Variants in ZKSCAN7 observed in about 807,000 individuals in gnomAD.
ZKSCAN7 encodes the protein zinc finger protein with KRAB and SCAN domains 7.
In ZKSCAN7, 38 loss-of-function variants were observed where a neutral mutation model predicts 65.3. That is an observed-to-expected ratio of 0.58 (90% CI 0.45 to 0.76). The LOEUF (loss-of-function observed/expected upper bound fraction) is 0.76, where lower values mean the gene tolerates loss of function less well. Among genes scored for constraint, ZKSCAN7 ranks in the 30% least tolerant of loss-of-function variants. The probability of loss-of-function intolerance (pLI) is 0.00; values close to 1 mark genes in which losing one functional copy is unlikely to be tolerated. For synonymous variants in ZKSCAN7, 321 were observed against 321.0 expected, an observed-to-expected ratio of 1.00 and a Z score of 0.00; for missense variants, 815 against 913.3, an observed-to-expected ratio of 0.89 and a Z score of 1.39.
Position 44,568,399 on chromosome 3 carries a change from G to A in ZKSCAN7, c.777G>A (p.Met259Ile), listed in dbSNP as rs756337538. Reference protein sequence around the residue: ...TLSQRALQWNMMPENHHSMAS... With the variant: ...TLSQRALQWNIMPENHHSMAS... ...GTCAGAGAGCCCTGCAGTGGAACAT[G>A]ATGCCAGAAAATCACCATAGCATGG... The change falls in exon 5 of 6, where the codon ATG becomes ATA. Residue 259 changes from methionine (M) to isoleucine (I), a missense_variant. Transcript: ENST00000426540. 3 of 1,614,156 alleles carry A rather than the reference G, an allele frequency of 1.9e-6. No individual in the cohort carries two copies. The South Asian group carries it at 3.3e-5, about 18-fold the overall frequency.
chr3:44,574,774 A>C (rs1046481956), downstream of ZKSCAN7, among the ~76,000 whole-genome samples: 4 of 151,892 alleles, frequency 2.6e-5, no homozygotes, highest in African/African-American at 9.7e-5. Context: ...TATTAAAAAT[A>C]TAAAAATTGG....
rs368452398 is a variant in ZKSCAN7, at chr3:44,570,627, G to A, written c.1517G>A (p.Arg506Gln). The A allele has an allele frequency of 5.6e-5, 91 of 1,613,668 alleles. No homozygotes were observed. Among genetic ancestry groups the A allele is most frequent in the Non-Finnish European group, 7.0e-5 (83 of 1,179,930 alleles). Residue 506 changes from arginine to glutamine, a missense_variant, in exon 6 of 6, where the codon CGA (arginine) becomes CAA (glutamine). Physicochemically the swap from Arg to Gln is conservative, Grantham distance 43. Coordinates refer to ENST00000426540, the MANE Select transcript of ZKSCAN7 (RefSeq NM_001288590.2). ...ECNECGEAFI[R>Q]SKSLARHQVL... ...AATGAGTGTGGAGAGGCATTCATTC[G>A]AAGCAAAAGTCTTGCTCGACATCAG...
At chr3:44,560,852 G>A (rs1217539551) in intron 2 of ZKSCAN7, among the ~76,000 whole-genome samples, 1 of 152,168 alleles carries the variant, frequency 6.6e-6, no homozygotes, top group African/African-American at 2.4e-5. Context: ...TTACAAAACA[G>A]GCAGTGCAGT....
In ZKSCAN7 at chr3:44,556,947, C is replaced by T. The variant is rs1457116222; in HGVS notation, c.-101C>T. On this transcript the variant is annotated 5_prime_UTR_variant, in exon 2 of 6. Coordinates refer to ENST00000426540, the MANE Select transcript of ZKSCAN7 (RefSeq NM_001288590.2). ...TTCTGTAGGCCACACTACCATCACC[C>T]CTTTCTCCAACCCTGAAAAACAGTT... 6.0e-6 allele frequency: 9 copies of T among 1,491,904 alleles called. No homozygotes were observed. In the South Asian group the frequency reaches 8.2e-5, roughly 14 times the overall value. 92.4% of individuals were successfully genotyped at this position (1,491,904 alleles called of 1,614,324 possible).
chr3:44,582,359 C>T (rs1700106411), intron 5 of ZKSCAN7, among the ~76,000 whole-genome samples: 1 of 152,192 alleles, frequency 6.6e-6, no homozygotes, highest in Non-Finnish European at 1.5e-5. Context: ...CCTTTCTGGC[C>T]TGTGGGTATT....
chr3:44,570,156 C>A lies in ZKSCAN7; in HGVS notation c.1046C>A (p.Ser349Tyr). 1.2e-6 allele frequency: 2 copies of A among 1,614,078 alleles called. No homozygotes were observed. The highest frequency in any genetic ancestry group is 1.7e-6 in the Non-Finnish European group (2 of 1,180,014). ...ATAACAGATGAAGATAAGAAAAAAT[C>A]CACAAAAGACAGATATGACAAATAT... is the stretch of plus-strand genomic sequence containing the variant. ...LEITDEDKKK[S>Y]TKDRYDKYKE... The change falls in exon 6 of 6, where the codon TCC (serine) becomes TAC (tyrosine). Residue 349 changes from serine to tyrosine, a missense_variant. Ser to Tyr is a moderately radical substitution (Grantham distance 144, BLOSUM62 -2). Transcript: ENST00000426540.
rs1011716881 is a variant in ZKSCAN7 at position 44,571,923 on chromosome 3, T to C, written c.*548T>C. 3.3e-5 allele frequency: 33 copies of C among 986,542 alleles called. No homozygotes were observed. The highest frequency in any genetic ancestry group is 3.9e-5 in the Non-Finnish European group (32 of 830,728). 61.1% of individuals were successfully genotyped at this position (986,542 alleles called of 1,614,324 possible). On this transcript the variant is annotated 3_prime_UTR_variant, in exon 6 of 6. Coordinates refer to ENST00000426540, the MANE Select transcript of ZKSCAN7 (RefSeq NM_001288590.2). ...GAAATCCATCTCATCACTGAAATAC[T>C]TTCTTCTTCAAGTACTTTTTTATTT...
In ZKSCAN7 at chr3:44,569,790, CTTG is replaced by C. The variant is rs1244219319; in HGVS notation, c.812-129_812-127del. On this transcript the variant is annotated intron_variant, in intron 5 of 5. Transcript: ENST00000426540. ...AGCTATTAATATTTCCCATTTTGCT[CTTG>C]TTCTCAATGTGTCATCTCATTTCTT... 5.9e-6 allele frequency: 8 copies of C among 1,365,936 alleles called. No individual in the cohort carries two copies. The Admixed American group carries it at 2.4e-4, about 40-fold the overall frequency. 84.6% of individuals were successfully genotyped at this position (1,365,936 alleles called of 1,614,324 possible).
chr3:44,578,719 G>A (rs891914654), intron 5 of ZKSCAN7, among the ~76,000 whole-genome samples: 1 of 152,118 alleles, frequency 6.6e-6, no homozygotes, highest in Non-Finnish European at 1.5e-5. Flanking sequence ...TCATGGCTTC[G>A]ATGGCTGAGA....
chr3:44,578,401 C>T (rs7650486), intron 5 of ZKSCAN7: 189,435 of 1,612,800 alleles, frequency 0.12, 11,728 homozygotes, highest in Middle Eastern at 0.19. Context: ...CAGTCAGCAG[C>T]GTCCGCAACC....
Position 44,581,885 on chromosome 3 carries a change from T to C in ZKSCAN7, c.812-1087T>C, listed in dbSNP as rs558483252. Among the ~76,000 whole-genome samples, 53 of 152,366 alleles carry C rather than the reference T, an allele frequency of 3.5e-4. 2 individuals are homozygous for C. The South Asian group carries it at 0.01, about 29-fold the overall frequency. ...TGGATGTTAACAAGTTATTGAGTACTGTCCCATGTTGGGAGACAGTTCTGT... is the reference window on the plus strand; with the variant it reads ...TGGATGTTAACAAGTTATTGAGTACCGTCCCATGTTGGGAGACAGTTCTGT... On this transcript the variant is annotated intron_variant, in intron 5 of 5. Coordinates refer to the ZKSCAN7 transcript ENST00000341840.
rs1699809245 is a variant in ZKSCAN7, at chr3:44,571,510, G to A, written c.*135G>A. On this transcript the variant is annotated 3_prime_UTR_variant, in exon 6 of 6. Coordinates refer to ENST00000426540, the MANE Select transcript of ZKSCAN7 (RefSeq NM_001288590.2). ...ACTTGCTTTTCCTTGGATCACTAAG[G>A]TGGGAGAGTAGGAGTAACTTATTCC... The A allele has an allele frequency of 6.3e-7, 1 of 1,577,940 alleles. No individual in the cohort carries two copies. The highest frequency in any genetic ancestry group is 8.6e-7 in the Non-Finnish European group (1 of 1,166,694).
At chr3:44,581,574 G>C (rs1292331757) in intron 5 of ZKSCAN7, among the ~76,000 whole-genome samples, 1 of 152,108 alleles carries the variant, frequency 6.6e-6, no homozygotes, top group Admixed American at 6.5e-5. Context: ...GAAAAGTTTT[G>C]TTATACAACA....
At chr3:44,580,942 G>C in intron 5 of ZKSCAN7, 7 of 1,612,640 alleles carry the variant, frequency 4.3e-6, no homozygotes, top group South Asian at 1.1e-5. Context: ...TGCGACTCGC[G>C]GGGCTGGAAG....
At chr3:44,565,331 T>C (rs1034144427) in intron 2 of ZKSCAN7, among the ~76,000 whole-genome samples, 156 bp from the exon 3 acceptor site, 5 of 152,148 alleles carry the variant, frequency 3.3e-5, no homozygotes, top group African/African-American at 1.2e-4. Flanking sequence ...TTTCACAGTT[T>C]TTTTTTTCCC....
intron 5 of ZKSCAN7, chr3:44,580,634 C>T (rs1023785324): frequency 1.2e-6 from 2 of 1,613,946 alleles, no homozygotes; most frequent in East Asian, 2.2e-5. Flanking sequence ...TGGTCTCCGC[C>T]CGGATGAAAT....
At position 44,571,198 on chromosome 3, in the gene ZKSCAN7, T is replaced by C. The variant is rs1386093681; in HGVS notation, c.2088T>C (p.Cys696=). Residue 696 remains cysteine, a synonymous_variant, in exon 6 of 6, where the codon TGT becomes TGC. Transcript: ENST00000426540. ...TGEKPYKCND[C]GKAFSDSSQL... is the part of the protein sequence containing the mutation. The stretch of plus-strand genomic sequence containing the variant: ...AAAAACCCTATAAATGCAATGATTG[T>C]GGGAAAGCTTTTAGTGACAGCTCAC... 1 of 1,614,190 alleles carries C rather than the reference T, an allele frequency of 6.2e-7. No individual in the cohort carries two copies. Among genetic ancestry groups the C allele is most frequent in the Admixed American group, 1.7e-5 (1 of 60,022 alleles).
chr3:44,565,691 C>T, intron 3 of ZKSCAN7, 36 bp downstream of exon 3: 1 of 1,525,244 alleles, frequency 6.6e-7, no homozygotes, highest in Non-Finnish European at 8.8e-7. Flanking sequence ...TAAGTCATGC[C>T]TCCCTTCTCT....
At position 44,580,827 on chromosome 3, in the gene ZKSCAN7, G is replaced by A. The variant is rs1382086762; in HGVS notation, c.812-2145G>A. ...GATGAAGAACTGTCGCTGCCATTTC[G>A]GAGACCGGTGCACTGAGTTGTCAAA... On this transcript the variant is annotated intron_variant, in intron 5 of 5. Coordinates refer to the ZKSCAN7 transcript ENST00000341840. The A allele has an allele frequency of 5.0e-6, 8 of 1,613,086 alleles. No homozygotes were observed. The African/African-American group carries it at 5.3e-5, about 11-fold the overall frequency.
Sources: allele counts gnomAD v4.1 joint callset (sites outside exome capture counted in the v4.1 genomes callset), GRCh38; gene constraint gnomAD v4.1.1; transcripts MANE v1.5; gene names NCBI Gene and HGNC (gene_info 2026-07-23, HGNC 2026-07-21).